SENP5: variants seen among roughly 807,000 people sequenced by gnomAD.
The protein encoded by SENP5 is SUMO specific peptidase 5, also known as sentrin-specific protease 5.
In SENP5, 21 loss-of-function variants were observed where a neutral mutation model predicts 74.2. The observed-to-expected ratio is 0.28, with a 90% CI of 0.20 to 0.41. The LOEUF is 0.41. SENP5 is among the 10% of genes least tolerant of loss of function. SENP5 has a pLI of 1.00. For synonymous variants in SENP5, 311 were observed against 312.7 expected (o/e 0.99, Z 0.06); for missense variants, 717 against 889.1 (o/e 0.81, Z 2.46).
chr3:196,896,077 C>G (rs1020244988), intron 2 of SENP5, among the ~76,000 whole-genome samples: 2 of 152,050 alleles, frequency 1.3e-5, no homozygotes, highest in Non-Finnish European at 2.9e-5. Context: ...GTGGATTTAA[C>G]TGTCATTTTA....
intron 6 of SENP5, 78 bp from the exon 7 acceptor site, chr3:196,923,336 G>A: frequency 5.3e-6 from 8 of 1,504,122 alleles, no homozygotes; most frequent in Non-Finnish European, 7.1e-6. Context: ...TCAAAGGTCA[G>A]CAAATGGAAG....
intron 6 of SENP5, among the ~76,000 whole-genome samples, chr3:196,906,987 G>A (rs528630166): frequency 1.3e-5 from 2 of 152,258 alleles, no homozygotes; most frequent in East Asian, 3.9e-4. Flanking sequence ...ACAGGATTTG[G>A]TGATAAGTTG....
chr3:196,930,240 GT>G (rs1175033493), intron 9 of SENP5, among the ~76,000 whole-genome samples: 1 of 152,122 alleles, frequency 6.6e-6, no homozygotes, highest in African/African-American at 2.4e-5. Flanking sequence ...CATGTTTGGG[GT>G]TTTATAAACA....
At chr3:196,875,732 A>AT (rs1713435256) in intron 1 of SENP5, among the ~76,000 whole-genome samples, 2 of 151,706 alleles carry the variant, frequency 1.3e-5, no homozygotes, top group African/African-American at 4.8e-5. Context: ...TTTTTATTTT[A>AT]TTTTTTTATT....
rs1271148864 is a variant in SENP5 at position 196,927,806 on chromosome 3, A to G, written c.2033A>G (p.Lys678Arg). The G allele has an allele frequency of 6.2e-7, 1 of 1,605,776 alleles. No homozygotes were observed. ...TTTCTTTTTAACCAGAATATAAGAA[A>G]GTATTTGCTGACTGAAGCCAGAGAA... ...HFKFCVENIRKYLLTEAREKN... is the reference protein window; with the variant it reads ...HFKFCVENIRRYLLTEAREKN... Residue 678 changes from lysine to arginine, a missense_variant, in exon 8 of 10, where the codon AAG (lysine) becomes AGG (arginine). Transcript: ENST00000323460.
chr3:196,923,487 C>A lies in SENP5; in HGVS notation c.1958C>A (p.Thr653Lys). The A allele has an allele frequency of 6.2e-7, 1 of 1,610,996 alleles. No individual in the cohort carries two copies. The highest frequency in any genetic ancestry group is 8.5e-7 in the Non-Finnish European group (1 of 1,177,380). Residue 653 changes from threonine (T) to lysine (K), a missense_variant, in exon 7 of 10, where the codon ACA becomes AAA. By Grantham distance (78) the Thr-to-Lys change is moderately conservative. This residue lies in a region of SENP5 where 85 missense variants were observed against 188.9 expected (regional missense o/e 0.45). Coordinates refer to ENST00000323460, the MANE Select transcript of SENP5 (RefSeq NM_152699.5). Reference sequence around the variant, plus strand: ...GTCCACTGGTCTCTCATTACTGTGACACTCTCTAATCGAATTATTTCATTT... The same window carrying A: ...GTCCACTGGTCTCTCATTACTGTGAAACTCTCTAATCGAATTATTTCATTT... ...LEVHWSLITV[T>K]LSNRIISFYD... is the part of the protein sequence containing the mutation.
chr3:196,911,483 G>C (rs1715122429), intron 6 of SENP5, among the ~76,000 whole-genome samples: 1 of 152,020 alleles, frequency 6.6e-6, no homozygotes, highest in Admixed American at 6.6e-5. Context: ...GCTTGACCTG[G>C]GAAGTGGAAG....
intron 2 of SENP5, among the ~76,000 whole-genome samples, chr3:196,894,524 G>C (rs540938067): frequency 6.7e-6 from 1 of 148,380 alleles, no homozygotes; most frequent in East Asian, 2.2e-4. Flanking sequence ...AAAATATTTA[G>C]TTGCGAGTTC....
intron 7 of SENP5, among the ~76,000 whole-genome samples, chr3:196,925,883 A>G (rs1324400706): frequency 6.6e-6 from 1 of 152,238 alleles, no homozygotes; most frequent in East Asian, 1.9e-4. Flanking sequence ...GGTGATAGCT[A>G]GAAGTCATTT....
intron 6 of SENP5, among the ~76,000 whole-genome samples, chr3:196,920,424 ACTTCTAGGAG>A (rs890071890): frequency 2.0e-5 from 3 of 152,172 alleles, no homozygotes; most frequent in African/African-American, 7.2e-5. Flanking sequence ...GTCATTTATT[ACTTCTAGGAG>A]CTTTTTTGTA....
intron 5 of SENP5, among the ~76,000 whole-genome samples, chr3:196,900,652 C>G (rs1009965367): frequency 6.6e-6 from 1 of 152,128 alleles, no homozygotes; most frequent in Non-Finnish European, 1.5e-5. Flanking sequence ...GTGGCGTGAT[C>G]TCGGCTCATT....
In SENP5 at chr3:196,886,501, C is replaced by CCAGATGGAGGAGGATGGATCTCTCAAG; in HGVS notation, c.1325_1351dup (p.Met442_Gln450dup). 20 of 1,612,424 alleles carry CCAGATGGAGGAGGATGGATCTCTCAAG rather than the reference C, an allele frequency of 1.2e-5. No homozygotes were observed. The highest frequency in any genetic ancestry group is 1.7e-5 in the Non-Finnish European group (20 of 1,179,272). Reference sequence around the variant, plus strand: ...AGGCTGTTCAAAATGAGAACTCATACCAGATGGAGGAGGATGGATCTCTCA... The same window carrying CCAGATGGAGGAGGATGGATCTCTCAAG: ...AGGCTGTTCAAAATGAGAACTCATACCAGATGGAGGAGGATGGATCTCTCAAGCAGATGGAGGAGGATGGATCTCTCA... On this transcript the variant is annotated inframe_insertion, in exon 2 of 10. Transcript: ENST00000323460.
chr3:196,902,978 T>G (rs899979101), intron 5 of SENP5, among the ~76,000 whole-genome samples: 2 of 152,180 alleles, frequency 1.3e-5, no homozygotes, highest in African/African-American at 2.4e-5. Context: ...TTTAGAGAGA[T>G]TTGTCAGGTT....
intron 9 of SENP5, 139 bp from the exon 10 acceptor site, chr3:196,930,674 C>T (rs1451630764): frequency 7.9e-6 from 5 of 630,150 alleles, no homozygotes; most frequent in Non-Finnish European, 1.4e-5. Context: ...AATTGCCTTA[C>T]ACGTAACCAG....
At chr3:196,918,813 AC>A (rs1485300582) in intron 6 of SENP5, among the ~76,000 whole-genome samples, 2 of 152,050 alleles carry the variant, frequency 1.3e-5, no homozygotes, top group Non-Finnish European at 2.9e-5. Context: ...GGCTGGAAAA[AC>A]CAGAACTCCT....
chr3:196,912,730 TG>T (rs2108850407), intron 6 of SENP5: 1 of 152,254 alleles, frequency 6.6e-6, no homozygotes, highest in African/African-American at 2.4e-5. Flanking sequence ...ACTAGGCAGC[TG>T]GGCGTGGTGG....
At chr3:196,903,290 C>T (rs527738604) in intron 5 of SENP5, among the ~76,000 whole-genome samples, 1 of 152,228 alleles carries the variant, frequency 6.6e-6, no homozygotes, top group South Asian at 2.1e-4. Flanking sequence ...CAGATGGGTG[C>T]CACCACGCCC....
chr3:196,928,131 T>TG (rs1014646126), intron 8 of SENP5, among the ~76,000 whole-genome samples: 1 of 152,118 alleles, frequency 6.6e-6, no homozygotes, highest in African/African-American at 2.4e-5. Flanking sequence ...TTTGCTCTTC[T>TG]GGGGAAAAAA....
chr3:196,914,582 AAAAAATATATAT>A (rs1188236683), intron 6 of SENP5: 17 of 65,900 alleles, frequency 2.6e-4, no homozygotes, highest in African/African-American at 1.1e-3. Flanking sequence ...AAAAAAAAAA[AAAAAATATATAT>A]ATATATATAT....
Sources: gnomAD v4.1 joint callset for allele counts (sites outside exome capture counted in the v4.1 genomes callset) on GRCh38, gnomAD v4.1.1 for gene constraint, gnomAD v4.1.1 regional missense constraint, MANE v1.5 for transcripts, NCBI Gene and HGNC (gene_info 2026-07-23, HGNC 2026-07-21) for gene names.